Variants in TMEM135 observed in about 807,000 individuals in gnomAD.
TMEM135 encodes the protein transmembrane protein 135.
Under a neutral mutation model 60.3 loss-of-function variants are expected in TMEM135, and 30 were observed. The ratio of observed to expected loss-of-function variants is 0.50; its 90% CI spans 0.37 to 0.68. The LOEUF is 0.68. Among genes scored for constraint, TMEM135 ranks in the 30% least tolerant of loss-of-function variants. The pLI, the probability that TMEM135 is intolerant of heterozygous loss-of-function variation, is 0.00. For synonymous variants in TMEM135, 190 were observed against 186.7 expected (o/e 1.02, Z -0.14); for missense variants, 468 against 548.8 (o/e 0.85, Z 1.47).
intron 5 of TMEM135, among the ~76,000 whole-genome samples, chr11:87,223,663 G>GCACACACACACACACACACA (rs1320732136): frequency 3.7e-4 from 49 of 130,956 alleles, no homozygotes; most frequent in African/African-American, 1.3e-3. Context: ...ATACGCACAT[G>GCACACACACACACACACACA]CACGCACACA....
chr11:87,179,996 G>A (rs574203701), intron 5 of TMEM135, among the ~76,000 whole-genome samples: 1 of 152,060 alleles, frequency 6.6e-6, no homozygotes, highest in East Asian at 1.9e-4. Context: ...TCCCAGCTTG[G>A]ACTCCAGGGC....
At chr11:87,194,574 C>T (rs1413018208) in intron 5 of TMEM135, among the ~76,000 whole-genome samples, 2 of 151,974 alleles carry the variant, frequency 1.3e-5, no homozygotes, top group African/African-American at 4.8e-5. Context: ...TGTGTATATA[C>T]AGTGGAAAAC....
intron 4 of TMEM135, among the ~76,000 whole-genome samples, chr11:87,133,645 C>G (rs776871704): frequency 6.6e-6 from 1 of 152,170 alleles, no homozygotes; most frequent in Non-Finnish European, 1.5e-5. Context: ...AGGTAGTGAA[C>G]ATACCCATTA....
chr11:87,181,460 G>A (rs1169450904), intron 5 of TMEM135, among the ~76,000 whole-genome samples: 1 of 152,160 alleles, frequency 6.6e-6, no homozygotes, highest in African/African-American at 2.4e-5. Flanking sequence ...CACATTTACA[G>A]ATTCATAATA....
intron 6 of TMEM135, among the ~76,000 whole-genome samples, chr11:87,277,694 G>A (rs1231873981): frequency 6.6e-6 from 1 of 151,380 alleles, no homozygotes; most frequent in East Asian, 2.0e-4. Flanking sequence ...GCTAATTTTT[G>A]TATTTTTAAT....
intron 1 of TMEM135, among the ~76,000 whole-genome samples, chr11:87,062,793 GA>G (rs1412908687): frequency 1.3e-5 from 2 of 152,028 alleles, no homozygotes; most frequent in African/African-American, 4.8e-5. Context: ...CATAATTTTA[GA>G]AGTAGAAAAA....
intron 6 of TMEM135, among the ~76,000 whole-genome samples, chr11:87,237,953 A>G (rs895401423): frequency 1.2e-4 from 18 of 152,042 alleles, no homozygotes; most frequent in Non-Finnish European, 4.4e-5. Flanking sequence ...TTCACTTAAC[A>G]TAATGATCTC....
intron 5 of TMEM135, among the ~76,000 whole-genome samples, chr11:87,193,268 G>A (rs1359259874): frequency 1.3e-5 from 2 of 152,042 alleles, no homozygotes; most frequent in Non-Finnish European, 2.9e-5. Context: ...GGGGTGTAGT[G>A]GTGGTGAGAT....
chr11:87,283,115 A>G (rs1427647204), intron 6 of TMEM135, among the ~76,000 whole-genome samples: 1 of 151,950 alleles, frequency 6.6e-6, no homozygotes, highest in African/African-American at 2.4e-5. Context: ...CAGGTGGATC[A>G]CCTGAGGTCG....
At chr11:87,088,520 A>C (rs985001304) in intron 3 of TMEM135, among the ~76,000 whole-genome samples, 10 of 152,226 alleles carry the variant, frequency 6.6e-5, no homozygotes, top group Non-Finnish European at 1.5e-4. Context: ...ATAGCTCAAG[A>C]GAAAAACTTC....
At chr11:87,182,899 A>T (rs1478244104) in intron 5 of TMEM135, among the ~76,000 whole-genome samples, 1 of 152,038 alleles carries the variant, frequency 6.6e-6, no homozygotes, top group African/African-American at 2.4e-5. Context: ...GAATATAACT[A>T]GAATTATATT....
rs1365128640 is a variant in TMEM135, at chr11:87,326,725, C to G, written c.*5392C>G. The G allele has an allele frequency of 2.2e-6, 1 of 447,392 alleles. No homozygotes were observed. The highest frequency in any genetic ancestry group is 1.6e-5 in the South Asian group (1 of 62,322). The allele number at this position is 447,392 out of a possible 1,614,324, so 27.7% of individuals were successfully genotyped here. ...GGAGTCCTTATTTTTCTATTTATTT[C>G]AGGGAAAATTGAAGGTAAATAATAT... On this transcript the variant is annotated 3_prime_UTR_variant, in exon 15 of 15. Coordinates refer to ENST00000305494, the MANE Select transcript of TMEM135 (RefSeq NM_022918.4).
At chr11:87,284,591 G>T (rs1230411489) in intron 6 of TMEM135, among the ~76,000 whole-genome samples, 1 of 152,158 alleles carries the variant, frequency 6.6e-6, no homozygotes, top group African/African-American at 2.4e-5. Context: ...CTTTGCTTGG[G>T]CTCTTGAAGA....
intron 6 of TMEM135, among the ~76,000 whole-genome samples, chr11:87,251,774 C>T (rs536133893): frequency 2.6e-4 from 39 of 152,242 alleles, no homozygotes; most frequent in African/African-American, 4.6e-4. Flanking sequence ...TGAACTAAAA[C>T]GCGTGAGCAC....
chr11:87,038,830 T>G (rs1318078351), intron 1 of TMEM135, among the ~76,000 whole-genome samples: 1 of 150,364 alleles, frequency 6.7e-6, no homozygotes, highest in Non-Finnish European at 1.5e-5. Flanking sequence ...CATCTGACTT[T>G]GTGTCACCTA....
intron 4 of TMEM135, among the ~76,000 whole-genome samples, chr11:87,093,584 G>A (rs983515051): frequency 6.6e-6 from 1 of 152,012 alleles, no homozygotes; most frequent in Non-Finnish European, 1.5e-5. Flanking sequence ...GGGCTGGAAT[G>A]CAGTGGTGTG....
intron 6 of TMEM135, among the ~76,000 whole-genome samples, chr11:87,262,167 A>G (rs1279304774): frequency 1.3e-5 from 2 of 151,944 alleles, no homozygotes; most frequent in Admixed American, 6.5e-5. Context: ...CTGTACAACC[A>G]TGAACATTGT....
intron 10 of TMEM135, among the ~76,000 whole-genome samples, chr11:87,311,834 T>G (rs1942645393): frequency 1.3e-5 from 2 of 152,142 alleles, no homozygotes; most frequent in Middle Eastern, 3.4e-3. Flanking sequence ...TTTAAAAATT[T>G]GTTAAGGTTC....
At chr11:87,240,481 T>C (rs1047999073) in intron 6 of TMEM135, among the ~76,000 whole-genome samples, 2 of 152,046 alleles carry the variant, frequency 1.3e-5, no homozygotes, top group Admixed American at 1.3e-4. Flanking sequence ...GCAGTTTGCA[T>C]TCATCATAAT....
Sources: allele counts gnomAD v4.1 joint callset (sites outside exome capture counted in the v4.1 genomes callset), GRCh38; gene constraint gnomAD v4.1.1; transcripts MANE v1.5; gene names NCBI Gene and HGNC (gene_info 2026-07-23, HGNC 2026-07-21).